Variants in RXRB observed in about 807,000 individuals in gnomAD.
RXRB encodes the protein retinoid X receptor beta.
In RXRB, 18 loss-of-function variants were observed where a neutral mutation model predicts 52.5. The ratio of observed to expected loss-of-function variants is 0.34; its 90% confidence interval spans 0.24 to 0.51. The LOEUF is 0.51. RXRB is among the 20% of genes least tolerant of loss of function. The pLI is 0.97. For synonymous variants in RXRB, 233 were observed against 267.1 expected (o/e 0.87, Z 1.25); for missense variants, 455 against 698.2 (o/e 0.65, Z 3.92).
At chr6:33,200,789 C>T, upstream of RXRB, 2 of 1,530,784 alleles carry the variant, frequency 1.3e-6, no homozygotes, top group Non-Finnish European at 1.8e-6. This position sits in a 1 kb window ranked among gnomAD's most constrained non-coding sequence, Gnocchi z 6.3. Flanking sequence ...GCATGCGTGT[C>T]AGTGCAGGAT....
chr6:33,196,091 C>G lies in RXRB; in HGVS notation c.994-55G>C. On this transcript the variant is annotated intron_variant, in intron 5 of 9. Coordinates refer to ENST00000374680, the MANE Select transcript of RXRB (RefSeq NM_021976.5). This position sits in a 1 kb window ranked among gnomAD's most constrained non-coding sequence, Gnocchi z 4.0. ...AGATTTTGAGATATGCTGGGAGCCC[C>G]CTTGTAAGAGGCTTTTGACACCCCC... is the stretch of plus-strand genomic sequence containing the variant. The G allele has an allele frequency of 6.2e-7, 1 of 1,607,968 alleles. No homozygotes were observed. The highest frequency in any genetic ancestry group is 8.5e-7 in the Non-Finnish European group (1 of 1,176,292).
rs775282009 is a variant in RXRB, at chr6:33,196,248, G to A, written c.993+186C>T. On this transcript the variant is annotated intron_variant, in intron 5 of 9. Coordinates refer to ENST00000374680, the MANE Select transcript of RXRB (RefSeq NM_021976.5). This position sits in a 1 kb window ranked among gnomAD's most constrained non-coding sequence, Gnocchi z 4.0. The stretch of plus-strand genomic sequence containing the variant: ...GTTCTGCCAGTGGGTTGTTTGGGGA[G>A]TGGAGACAGAAGGAGCTATCACATC... The A allele has an allele frequency of 5.7e-5, 53 of 922,752 alleles. No homozygotes were observed. Among genetic ancestry groups the A allele is most frequent in the Non-Finnish European group, 8.7e-5 (50 of 572,840 alleles). 57.2% of individuals were successfully genotyped at this position (922,752 alleles called of 1,614,324 possible).
Position 33,200,261 on chromosome 6 carries a change from C to A in RXRB, c.216G>T (p.Gly72=). Residue 72 remains glycine (G), a synonymous_variant, in exon 1 of 10, where the codon GGG becomes GGT. Coordinates refer to ENST00000374680, the MANE Select transcript of RXRB (RefSeq NM_021976.5). This position sits in a 1 kb window ranked among gnomAD's most constrained non-coding sequence, Gnocchi z 6.3. ...ACTCACCCCGCCCGCTGTCGCCCAT[C>A]CCGTCCCGTCCAGCCTCCCCTGGCT... ...EPEPGEAGRD[G]MGDSGRDSRS... The A allele has an allele frequency of 6.2e-7, 1 of 1,607,518 alleles. No homozygotes were observed. The highest frequency in any genetic ancestry group is 8.5e-7 in the Non-Finnish European group (1 of 1,178,816).
At chr6:33,198,071 G>C in intron 3 of RXRB, 130 bp from the exon 4 acceptor site, 3 of 1,089,794 alleles carry the variant, frequency 2.8e-6, no homozygotes, top group Non-Finnish European at 4.0e-6. Context: ...AGGGAACCAG[G>C]AGCTGAGTGA....
At chr6:33,198,032 A>G in intron 3 of RXRB, 91 bp from the exon 4 acceptor site, 1 of 1,404,888 alleles carries the variant, frequency 7.1e-7, no homozygotes, top group Non-Finnish European at 9.8e-7. Flanking sequence ...CAAAACTTAA[A>G]GTCCTCCCTG....
Position 33,199,310 on chromosome 6 carries a change from T to A in RXRB, c.342A>T (p.Gly114=). 1 of 968,946 alleles carries A rather than the reference T, an allele frequency of 1.0e-6. No homozygotes were observed. Among genetic ancestry groups the A allele is most frequent in the Non-Finnish European group, 1.2e-6 (1 of 802,084 alleles). The allele number at this position is 968,946 out of a possible 1,614,324, so 60.0% of individuals were successfully genotyped here. ...PLPPSTAPSL[G]GSGAPPPPPM... ...GGGGTGGGGGTGGGGCCCCAGAGCC[T>A]CCAAGGGATGGAGCTGTTGAAGGGG... The change falls in exon 2 of 10, where the codon GGA becomes GGT. Residue 114 remains glycine (G), a synonymous_variant. Coordinates refer to ENST00000374680, the MANE Select transcript of RXRB (RefSeq NM_021976.5).
Position 33,198,356 on chromosome 6 carries a change from G to A in RXRB, c.592C>T (p.Pro198Ser). 1 of 1,613,050 alleles carries A rather than the reference G, an allele frequency of 6.2e-7. No homozygotes were observed. The highest frequency in any genetic ancestry group is 1.1e-5 in the South Asian group (1 of 91,086). ...GLHCPPPPGG[P>S]GAGKRLCAIC... ...GCACATAGCCGTTTGCCAGCCCCAG[G>A]GCCACCTGGAGGGGGTGGACAGTGC... The change falls in exon 3 of 10, where the codon CCT (proline) becomes TCT (serine). Residue 198 changes from proline (P) to serine (S), a missense_variant. Physicochemically the swap from Pro to Ser is moderately conservative, Grantham distance 74. Coordinates refer to ENST00000374680, the MANE Select transcript of RXRB (RefSeq NM_021976.5).
rs1773877486 is a variant in RXRB at position 33,196,139 on chromosome 6, G to T, written c.994-103C>A. ...CCCTCCTTACATATAGTCTTCCTGT[G>T]AGCCCCATCCAAACCAATCCCTGTA... is the stretch of plus-strand genomic sequence containing the variant. On this transcript the variant is annotated intron_variant, in intron 5 of 9. Coordinates refer to ENST00000374680, the MANE Select transcript of RXRB (RefSeq NM_021976.5). This position sits in a 1 kb window ranked among gnomAD's most constrained non-coding sequence, Gnocchi z 4.0. The T allele has an allele frequency of 6.9e-7, 1 of 1,455,582 alleles. No homozygotes were observed. Among genetic ancestry groups the T allele is most frequent in the Non-Finnish European group, 9.5e-7 (1 of 1,051,448 alleles). 90.2% of individuals were successfully genotyped at this position (1,455,582 alleles called of 1,614,324 possible). A position where few individuals can be genotyped will look rare whatever the true frequency, so the allele number is the denominator to read the frequency against.
Position 33,194,538 on chromosome 6 carries a change from G to T in RXRB, c.*144C>A. On this transcript the variant is annotated 3_prime_UTR_variant, in exon 10 of 10. Transcript: ENST00000374680. The surrounding 1 kb of genome is among the most constrained non-coding windows in gnomAD (Gnocchi z 4.1). ...CTTGGGATATCAAGCAGATCCCTTG[G>T]AGGGTTTATGTTCTTGGTTCTGCCC... 1.2e-6 allele frequency: 1 copy of T among 806,822 alleles called. No individual in the cohort carries two copies. The highest frequency in any genetic ancestry group is 1.9e-6 in the Non-Finnish European group (1 of 532,400). 50.0% of individuals were successfully genotyped at this position (806,822 alleles called of 1,614,324 possible).
rs1774337541 is a variant in RXRB, at chr6:33,200,045, A to C, written c.235+197T>G. ...CCGGTGCCCAAGGCCTCAAGCGGTC[A>C]CAGCTAGGAGGGCGGAAGCTCCCCT... On this transcript the variant is annotated intron_variant, in intron 1 of 9. Transcript: ENST00000374680. The surrounding 1 kb of genome is among the most constrained non-coding windows in gnomAD (Gnocchi z 6.3). 1 of 861,322 alleles carries C rather than the reference A, an allele frequency of 1.2e-6. No individual in the cohort carries two copies. The highest frequency in any genetic ancestry group is 1.3e-5 in the South Asian group (1 of 75,752). The allele number at this position is 861,322 out of a possible 1,614,324, so 53.4% of individuals were successfully genotyped here.
chr6:33,198,398 A>G lies in RXRB; in HGVS notation c.550T>C (p.Leu184=), dbSNP rs769626581. 1.1e-5 allele frequency: 17 copies of G among 1,612,468 alleles called. No homozygotes were observed. The highest frequency in any genetic ancestry group is 1.4e-5 in the Non-Finnish European group (17 of 1,179,662). ...GPPEDVKPPV[L]GVRGLHCPPP... is the part of the protein sequence containing the mutation. ...GGACAGTGCAGGCCCCGGACCCCTA[A>G]GACTGGTGGCTTCACATCTTCAGGG... The change falls in exon 3 of 10, where the codon TTA becomes CTA. Residue 184 remains leucine (L), a synonymous_variant. Coordinates refer to ENST00000374680, the MANE Select transcript of RXRB (RefSeq NM_021976.5).
intron 3 of RXRB, 26 bp downstream of exon 3, chr6:33,198,282 C>T (rs2744525): frequency 8.7e-6 from 14 of 1,612,814 alleles, no homozygotes; most frequent in Non-Finnish European, 1.2e-5. Flanking sequence ...GACTCTCCCT[C>T]TCTGTTCATC....
At position 33,199,768 on chromosome 6, in the gene RXRB, G is replaced by A. The variant is rs1399495561; in HGVS notation, c.236-352C>T. ...TGACAAGGAGAGGAGGATAGTTCAG[G>A]TGAGGAAAATTTTCCAACCAATCCA... On this transcript the variant is annotated intron_variant, in intron 1 of 9. Coordinates refer to ENST00000374680, the MANE Select transcript of RXRB (RefSeq NM_021976.5). The A allele has an allele frequency of 9.0e-6, 4 of 443,120 alleles. No individual in the cohort carries two copies. In the East Asian group the frequency reaches 2.0e-4, roughly 22 times the overall value. The allele number at this position is 443,120 out of a possible 1,614,324, so 27.4% of individuals were successfully genotyped here. A position where few individuals can be genotyped will look rare whatever the true frequency, so the allele number is the denominator to read the frequency against.
Position 33,195,570 on chromosome 6 carries a change from C to T in RXRB, c.1256G>A (p.Arg419Gln). The change falls in exon 7 of 10, where the codon CGG becomes CAG. Residue 419 changes from arginine (R) to glutamine (Q), a missense_variant and splice_region_variant. By Grantham distance (43) the Arg-to-Gln change is conservative. This residue lies in a region of RXRB where 115 missense variants were observed against 253.1 expected (regional missense o/e 0.45). Coordinates refer to ENST00000374680, the MANE Select transcript of RXRB (RefSeq NM_021976.5). This position sits in a 1 kb window ranked among gnomAD's most constrained non-coding sequence, Gnocchi z 8.6. ...HSAGVGAIFDRVLTELVSKMR... is the reference protein window; with the variant it reads ...HSAGVGAIFDQVLTELVSKMR... ...GCCAGCCTAGCCGAGGGCCACTGAC[C>T]GATCAAAGATGGCTCCTACTCCTGC... 4 of 1,613,072 alleles carry T rather than the reference C, an allele frequency of 2.5e-6. No homozygotes were observed. Among genetic ancestry groups the T allele is most frequent in the Non-Finnish European group, 3.4e-6 (4 of 1,180,034 alleles).
At position 33,194,648 on chromosome 6, in the gene RXRB, T is replaced by A; in HGVS notation, c.*34A>T. ...GGAGTCCCTCTTGGATGTGTGCTCC[T>A]CCAGTGTGAGAAGCACCACGTCTGG... On this transcript the variant is annotated 3_prime_UTR_variant, in exon 10 of 10. Transcript: ENST00000374680. The surrounding 1 kb of genome is among the most constrained non-coding windows in gnomAD (Gnocchi z 4.1). The A allele has an allele frequency of 6.2e-7, 1 of 1,606,372 alleles. No homozygotes were observed. Among genetic ancestry groups the A allele is most frequent in the East Asian group, 2.2e-5 (1 of 44,872 alleles).
intron 2 of RXRB, 130 bp from the exon 3 acceptor site, chr6:33,198,594 C>T (rs1380449541): frequency 5.5e-6 from 5 of 909,280 alleles, no homozygotes; most frequent in Non-Finnish European, 9.0e-6. Flanking sequence ...GTCATTTACA[C>T]TGCAGTCTAT....
chr6:33,198,448 G>A lies in RXRB; in HGVS notation c.500C>T (p.Ser167Leu). ...GGGGCCAGACCCACCCCCAGGGAGT[G>A]ACACTGTTGAGTTAATCTGGGATGG... Reference protein sequence around the residue: ...VSSPQINSTVSLPGGGSGPPE... With the variant: ...VSSPQINSTVLLPGGGSGPPE... Residue 167 changes from serine to leucine, a missense_variant, in exon 3 of 10, where the codon TCA becomes TTA. Coordinates refer to ENST00000374680, the MANE Select transcript of RXRB (RefSeq NM_021976.5). 6.2e-7 allele frequency: 1 copy of A among 1,612,642 alleles called. No individual in the cohort carries two copies. Among genetic ancestry groups the A allele is most frequent in the Non-Finnish European group, 8.5e-7 (1 of 1,179,750 alleles).
Position 33,195,010 on chromosome 6 carries a change from C to T in RXRB, c.1389G>A (p.Leu463=), listed in dbSNP as rs2150659150. Residue 463 remains leucine, a synonymous_variant, in exon 9 of 10, where the codon CTG becomes CTA. Coordinates refer to ENST00000374680, the MANE Select transcript of RXRB (RefSeq NM_021976.5). The surrounding 1 kb of genome is among the most constrained non-coding windows in gnomAD (Gnocchi z 8.6). ...GLSNPSEVEV[L]REKVYASLET... is the part of the protein sequence containing the mutation. ...CCAGTGATGCATACACTTTCTCCCG[C>T]AGGACCTCCACCTCACTAGGGTTGG... 6.2e-7 allele frequency: 1 copy of T among 1,612,954 alleles called. No individual in the cohort carries two copies. Among genetic ancestry groups the T allele is most frequent in the Non-Finnish European group, 8.5e-7 (1 of 1,180,002 alleles).
At chr6:33,199,587 A>C in intron 1 of RXRB, 171 bp from the exon 2 acceptor site, 2 of 486,838 alleles carry the variant, frequency 4.1e-6, no homozygotes, top group Non-Finnish European at 7.2e-6. Flanking sequence ...GCTGTCAAAC[A>C]ACAGTGTAAC....
Sources: gnomAD v4.1 joint callset for allele counts on GRCh38, gnomAD v4.1.1 for gene constraint, gnomAD v4.1.1 regional missense constraint, Gnocchi (gnomAD v3.1) non-coding constraint, MANE v1.5 for transcripts, NCBI Gene and HGNC (gene_info 2026-07-23, HGNC 2026-07-21) for gene names.